The following SLC16A12 variants were observed in gnomAD, a reference collection of about 807,000 sequenced individuals.
SLC16A12 encodes solute carrier family 16 member 12, also known as monocarboxylate transporter 12.
Under a neutral mutation model 42.4 loss-of-function variants are expected in SLC16A12, and 17 were observed. The observed-to-expected ratio is 0.40, with a 90% confidence interval of 0.27 to 0.60. The LOEUF (loss-of-function observed/expected upper bound fraction) is 0.60. Ranked by LOEUF, SLC16A12 falls within the 20% of genes least tolerant of loss-of-function variation. The probability of loss-of-function intolerance (pLI) is 0.42; values close to 1 mark genes in which losing one functional copy is unlikely to be tolerated. For missense variants in SLC16A12, 544 were observed against 623.0 expected (o/e 0.87, Z 1.35); for synonymous variants, 224 against 229.4 (o/e 0.98, Z 0.21).
At chr10:89,437,063 G>C (rs17121662) in intron 6 of SLC16A12, among the ~76,000 whole-genome samples, 14,115 of 152,180 alleles carry the variant, frequency 0.093, 870 homozygotes, top group African/African-American at 0.17. Context: ...AATTTTCCTA[G>C]CAGTCTACCT....
intron 7 of SLC16A12, among the ~76,000 whole-genome samples, chr10:89,434,684 T>A (rs1319468330): frequency 6.6e-6 from 1 of 152,244 alleles, no homozygotes; most frequent in African/African-American, 2.4e-5. Flanking sequence ...AATTCCTGCC[T>A]TCTTTCTAGG....
rs560711071 is a variant in SLC16A12 at position 89,450,888 on chromosome 10, C to T, written c.201-7029G>A. ...AATTACTTTACAATAAACATGATTT[C>T]TTATGTAACCAGAAATGTGTATATA... is the stretch of plus-strand genomic sequence containing the variant. On this transcript the variant is annotated intron_variant, in intron 3 of 7. Coordinates refer to ENST00000371790, the MANE Select transcript of SLC16A12 (RefSeq NM_213606.4). Among the ~76,000 whole-genome samples, 29 of 152,096 alleles carry T rather than the reference C, an allele frequency of 1.9e-4. No individual in the cohort carries two copies. In the South Asian group the frequency reaches 4.6e-3, roughly 24 times the overall value.
intron 2 of SLC16A12, among the ~76,000 whole-genome samples, chr10:89,474,322 A>G (rs1842543708): frequency 6.6e-6 from 1 of 152,078 alleles, no homozygotes; most frequent in African/African-American, 2.4e-5. Flanking sequence ...CCCAAACCCA[A>G]ACAAAATACA....
intron 6 of SLC16A12, among the ~76,000 whole-genome samples, 195 bp from the exon 7 acceptor site, chr10:89,436,514 T>C (rs1008769693): frequency 3.3e-5 from 5 of 152,124 alleles, no homozygotes; most frequent in African/African-American, 1.2e-4. Context: ...CATGGTGTGG[T>C]AGAAAGAATA....
intron 3 of SLC16A12, among the ~76,000 whole-genome samples, chr10:89,458,821 T>C (rs951590844): frequency 1.3e-5 from 2 of 152,224 alleles, no homozygotes; most frequent in African/African-American, 2.4e-5. Flanking sequence ...CATGGGGTGA[T>C]GGTAAATCAG....
chr10:89,555,666 T>TACACATATATACGTATATAC (rs1843810609), intron 2 of SLC16A12, among the ~76,000 whole-genome samples: 8 of 141,068 alleles, frequency 5.7e-5, no homozygotes, highest in Non-Finnish European at 1.1e-4. Flanking sequence ...TATGTATATA[T>TACACATATATACGTATATAC]ACACATATAT....
At chr10:89,505,606 C>T (rs993432355) in intron 2 of SLC16A12, among the ~76,000 whole-genome samples, 5 of 152,144 alleles carry the variant, frequency 3.3e-5, no homozygotes, top group African/African-American at 7.2e-5. Context: ...GAGGGTGAGC[C>T]GAAGCAGAGT....
At chr10:89,455,581 C>T (rs949041443) in intron 3 of SLC16A12, among the ~76,000 whole-genome samples, 3 of 152,094 alleles carry the variant, frequency 2.0e-5, no homozygotes, top group African/African-American at 7.2e-5. Flanking sequence ...GGAAAAGCAC[C>T]ACAGAACTTT....
intron 2 of SLC16A12, among the ~76,000 whole-genome samples, chr10:89,494,393 A>C (rs183666630): frequency 2.0e-5 from 3 of 152,354 alleles, no homozygotes; most frequent in African/African-American, 7.2e-5. Flanking sequence ...AAATATGCTC[A>C]TATAAGAATG....
chr10:89,451,931 G>A (rs1038919687), intron 3 of SLC16A12, among the ~76,000 whole-genome samples: 5 of 152,194 alleles, frequency 3.3e-5, no homozygotes, highest in Admixed American at 2.6e-4. Context: ...CAGCTTAGCA[G>A]GCCTGGGGAT....
At chr10:89,543,592 G>T (rs1306634589) in intron 2 of SLC16A12, among the ~76,000 whole-genome samples, 2 of 152,150 alleles carry the variant, frequency 1.3e-5, no homozygotes, top group African/African-American at 4.8e-5. Context: ...ACTTTGGCAG[G>T]CCAAGACAGG....
At position 89,433,097 on chromosome 10, in the gene SLC16A12, C is replaced by T. The variant is rs1263231393; in HGVS notation, c.1518G>A (p.Val506=). 1.2e-6 allele frequency: 2 copies of T among 1,614,036 alleles called. No homozygotes were observed. The highest frequency in any genetic ancestry group is 1.3e-5 in the African/African-American group (1 of 74,924). The change falls in exon 8 of 8, where the codon GTG becomes GTA. Residue 506 remains valine (V), a synonymous_variant. Transcript: ENST00000371790. ...GGCTGTAGCCAGGCACTGCTGTAGC[C>T]ACAGGCTCCCCATGTTTCTGATCTA... ...RELDQKHGEP[V]ATAVPGYSLT
chr10:89,436,696 T>C (rs544561662), intron 6 of SLC16A12, among the ~76,000 whole-genome samples: 1 of 152,014 alleles, frequency 6.6e-6, no homozygotes, highest in Non-Finnish European at 1.5e-5. Context: ...CTCCAATCTT[T>C]TGGCTTCCCT....
chr10:89,539,913 T>TTTC (rs1307303253), upstream of SLC16A12, among the ~76,000 whole-genome samples: 26 of 40,552 alleles, frequency 6.4e-4, no homozygotes, highest in African/African-American at 1.1e-3. Context: ...TTCTTTCTTT[T>TTTC]TTCTTTTTTT....
chr10:89,452,271 G>T (rs1318760031), intron 3 of SLC16A12, among the ~76,000 whole-genome samples: 1 of 152,212 alleles, frequency 6.6e-6, no homozygotes, highest in Admixed American at 6.5e-5. Flanking sequence ...TTAGTTTTGT[G>T]CAGGGTTTCT....
At chr10:89,478,033 AT>A (rs1228568293) in intron 2 of SLC16A12, among the ~76,000 whole-genome samples, 18 of 152,232 alleles carry the variant, frequency 1.2e-4, no homozygotes, top group Admixed American at 5.2e-4. Flanking sequence ...AGTGTTAATA[AT>A]ATCTAACAAC....
intron 2 of SLC16A12, among the ~76,000 whole-genome samples, chr10:89,499,996 A>G (rs540677433): frequency 3.8e-4 from 58 of 152,298 alleles, no homozygotes; most frequent in African/African-American, 1.3e-3. Context: ...AATACAAAAG[A>G]TCATTCAAGG....
At chr10:89,469,870 T>G (rs1842465753) in intron 2 of SLC16A12, among the ~76,000 whole-genome samples, 1 of 152,246 alleles carries the variant, frequency 6.6e-6, no homozygotes, top group Non-Finnish European at 1.5e-5. Context: ...GCACTCTCAG[T>G]AAACTCTAAT....
rs1420832564 is a variant in SLC16A12 at position 89,485,159 on chromosome 10, AT to A, written c.-46-22536del. 3.3e-5 allele frequency among the ~76,000 whole-genome samples: 5 copies of A among 152,296 alleles called. No homozygotes were observed. In the South Asian group the frequency reaches 8.3e-4, roughly 25 times the overall value. On this transcript the variant is annotated intron_variant, in intron 2 of 7. Transcript: ENST00000371790. Reference sequence around the variant, plus strand: ...TGGCCAATTTGGCTCCCCAGAGGACATTTGGCAATGTCTATAGAGGCATATT... The same window carrying A: ...TGGCCAATTTGGCTCCCCAGAGGACATTGGCAATGTCTATAGAGGCATATT...
Sources: gnomAD v4.1 joint callset for allele counts (sites outside exome capture counted in the v4.1 genomes callset) on GRCh38, gnomAD v4.1.1 for gene constraint, MANE v1.5 for transcripts, NCBI Gene and HGNC (gene_info 2026-07-23, HGNC 2026-07-21) for gene names.